MED12L: variants seen among roughly 807,000 people sequenced by gnomAD.
The protein encoded by MED12L is mediator of RNA polymerase II transcription subunit 12-like protein.
MED12L carries 60 observed loss-of-function variants against 281.3 expected under a neutral mutation model. That is an observed-to-expected ratio of 0.21 (90% confidence interval 0.17 to 0.26). MED12L has a LOEUF of 0.26. Ranked by LOEUF, MED12L falls within the 10% of genes least tolerant of loss-of-function variation. The pLI is 1.00. For synonymous variants in MED12L, 974 were observed against 987.2 expected (o/e 0.99, Z 0.25); for missense variants, 2,146 against 2,680.9 (o/e 0.80, Z 4.41).
chr3:151,140,566 C>T (rs557938753), intron 5 of MED12L, among the ~76,000 whole-genome samples: 2 of 152,328 alleles, frequency 1.3e-5, no homozygotes, highest in East Asian at 1.9e-4. Context: ...ATATTATACC[C>T]TCTTCCAAGT....
At chr3:151,333,557 G>T (rs1478998713) in intron 16 of MED12L, among the ~76,000 whole-genome samples, 1 of 152,110 alleles carries the variant, frequency 6.6e-6, no homozygotes, top group East Asian at 1.9e-4. Flanking sequence ...TGCGACTGAT[G>T]GGCATGTAGT....
chr3:151,324,007 G>T (rs1749292301), intron 16 of MED12L, among the ~76,000 whole-genome samples: 1 of 151,376 alleles, frequency 6.6e-6, no homozygotes, highest in Non-Finnish European at 1.5e-5. Context: ...GAGGAATTCT[G>T]CTAAGTCTGA....
chr3:151,230,922 C>T lies in MED12L; in HGVS notation c.2250+37256C>T, dbSNP rs866725077. Among the ~76,000 whole-genome samples the T allele has an allele frequency of 2.6e-5, 4 of 152,026 alleles. No homozygotes were observed. The South Asian group carries it at 6.2e-4, about 24-fold the overall frequency. On this transcript the variant is annotated intron_variant, in intron 16 of 44. Coordinates refer to ENST00000687756, the MANE Select transcript of MED12L (RefSeq NM_001393769.1). ...CTCCTTAAGAGAAATTACTGATTTC[C>T]GATCAGGTACAGGAAAAGTATAAGT...
At chr3:151,419,509 G>T (rs1718000177) in intron 43 of MED12L, among the ~76,000 whole-genome samples, 1 of 152,144 alleles carries the variant, frequency 6.6e-6, no homozygotes, top group African/African-American at 2.4e-5. Flanking sequence ...GGGTGCGTCT[G>T]CCTTCCCCAT....
intron 11 of MED12L, among the ~76,000 whole-genome samples, chr3:151,175,564 C>G (rs1459973806): frequency 4.6e-5 from 7 of 152,166 alleles, no homozygotes; most frequent in African/African-American, 1.7e-4. Flanking sequence ...AAGATCTCAC[C>G]ATGTACCTCC....
chr3:151,247,734 A>G (rs1444566314), intron 16 of MED12L, among the ~76,000 whole-genome samples: 1 of 147,732 alleles, frequency 6.8e-6, no homozygotes, highest in Non-Finnish European at 1.5e-5. Flanking sequence ...CACAATGTGC[A>G]CATGTACCCT....
chr3:151,213,443 G>C (rs978641151), intron 16 of MED12L: 3 of 1,613,972 alleles, frequency 1.9e-6, no homozygotes, highest in Non-Finnish European at 2.5e-6. Flanking sequence ...TAAATAATAG[G>C]GTCCAAGCAT....
At chr3:151,120,430 A>C (rs992967923) in intron 3 of MED12L, among the ~76,000 whole-genome samples, 1 of 152,222 alleles carries the variant, frequency 6.6e-6, no homozygotes, top group Non-Finnish European at 1.5e-5. Context: ...GTGAAAGGCT[A>C]CTTATTTTAG....
At chr3:151,273,338 C>G (rs369381804) in intron 16 of MED12L, among the ~76,000 whole-genome samples, 114 of 143,316 alleles carry the variant, frequency 8.0e-4, no homozygotes, top group African/African-American at 2.8e-3. Context: ...TCAAGCAATT[C>G]TGCCTCAGCC....
chr3:151,378,205 G>A (rs1161511153), intron 31 of MED12L, 32 bp downstream of exon 31: 2 of 1,553,764 alleles, frequency 1.3e-6, no homozygotes, highest in African/African-American at 1.4e-5. Flanking sequence ...CTGTGTGAGA[G>A]TTTAAAGAAT....
At chr3:151,106,602 C>A (rs947165818) in intron 2 of MED12L, among the ~76,000 whole-genome samples, 1 of 152,166 alleles carries the variant, frequency 6.6e-6, no homozygotes, top group Non-Finnish European at 1.5e-5. Flanking sequence ...TTTACAGCTG[C>A]ATTCCACTTC....
chr3:151,295,778 G>A (rs947503358), intron 16 of MED12L, among the ~76,000 whole-genome samples: 3 of 152,084 alleles, frequency 2.0e-5, no homozygotes, highest in Admixed American at 6.6e-5. Flanking sequence ...TCATTGATAG[G>A]AATAGAAAGA....
At chr3:151,203,023 T>C (rs936273244) in intron 16 of MED12L, 10 of 152,204 alleles carry the variant, frequency 6.6e-5, no homozygotes, top group Admixed American at 2.6e-4. Flanking sequence ...TTTCTACTTA[T>C]AAGCCTTAAA....
At chr3:151,194,265 C>T (rs977981097) in intron 16 of MED12L, among the ~76,000 whole-genome samples, 4 of 152,064 alleles carry the variant, frequency 2.6e-5, no homozygotes, top group African/African-American at 7.2e-5. Context: ...CCGTGCCAGG[C>T]GTAAATGTGT....
intron 16 of MED12L, chr3:151,327,818 C>G: frequency 2.2e-6 from 1 of 448,502 alleles, no homozygotes; most frequent in East Asian, 3.4e-5. Context: ...ATGGTTCATT[C>G]AGCTTATGAA....
Position 151,436,448 on chromosome 3 carries a change from T to C in MED12L, c.*3644T>C, listed in dbSNP as rs1021728726. On this transcript the variant is annotated 3_prime_UTR_variant, in exon 45 of 45. Coordinates refer to ENST00000687756, the MANE Select transcript of MED12L (RefSeq NM_001393769.1). ...AGTGAACCGTTTCAATGTTTGTTTA[T>C]TGTTATTTGTTGGCAAAATAAAAGT... 1.1e-5 allele frequency: 4 copies of C among 378,074 alleles called. No homozygotes were observed. The highest frequency in any genetic ancestry group is 1.6e-3 in the Middle Eastern group (2 of 1,280). The allele number at this position is 378,074 out of a possible 1,614,324, so 23.4% of individuals were successfully genotyped here.
chr3:151,335,426 T>C lies in MED12L; in HGVS notation c.2251-14633T>C, dbSNP rs140907174. Among the ~76,000 whole-genome samples, 217 of 152,344 alleles carry C rather than the reference T, an allele frequency of 1.4e-3. 3 individuals carry two copies. The East Asian group carries it at 0.039, about 27-fold the overall frequency. On this transcript the variant is annotated intron_variant, in intron 16 of 44. Transcript: ENST00000687756. ...ATAGGCAGTGGGCTGCGATTTGGCC[T>C]GTGGGCTATAGTTTGCCAACACCTG... is the stretch of plus-strand genomic sequence containing the variant.
At chr3:151,328,865 A>G in intron 16 of MED12L, 1 of 1,614,090 alleles carries the variant, frequency 6.2e-7, no homozygotes, top group Non-Finnish European at 8.5e-7. Flanking sequence ...CCACAGAGCC[A>G]AAGTATTCAG....
At chr3:151,236,923 G>A (rs1427689574) in intron 16 of MED12L, among the ~76,000 whole-genome samples, 6 of 152,016 alleles carry the variant, frequency 3.9e-5, no homozygotes, top group East Asian at 3.8e-4. Context: ...GAGTCATGCC[G>A]AGATGCATAT....
Sources: allele counts gnomAD v4.1 joint callset (sites outside exome capture counted in the v4.1 genomes callset), GRCh38; gene constraint gnomAD v4.1.1; transcripts MANE v1.5; gene names NCBI Gene and HGNC (gene_info 2026-07-23, HGNC 2026-07-21).